The following INHBE variants were observed in gnomAD, a reference collection of about 807,000 sequenced individuals.
The protein encoded by INHBE is inhibin subunit beta E, also known as inhibin beta E chain.
INHBE carries 19 observed loss-of-function variants against 27.8 expected under a neutral mutation model. That is an observed-to-expected ratio of 0.68 (90% confidence interval 0.48 to 1.00). The LOEUF is 1.00. Among genes scored for constraint, INHBE ranks in the 50% least tolerant of loss-of-function variants. INHBE has a pLI of 0.00. For synonymous variants in INHBE, 196 were observed against 187.2 expected (o/e 1.05, Z -0.38); for missense variants, 398 against 433.9 (o/e 0.92, Z 0.73).
chr12:57,456,995 C>A lies in INHBE; in HGVS notation c.*147C>A. The A allele has an allele frequency of 1.2e-6, 1 of 815,850 alleles. No individual in the cohort carries two copies. The highest frequency in any genetic ancestry group is 1.9e-6 in the Non-Finnish European group (1 of 527,666). The allele number at this position is 815,850 out of a possible 1,614,324, so 50.5% of individuals were successfully genotyped here. ...TGACTCACTTGACCCCTATGGGACC[C>A]AAATGGGCACTTTCTTGTCTGAGAC... On this transcript the variant is annotated 3_prime_UTR_variant, in exon 2 of 2. Transcript: ENST00000266646.
Position 57,457,099 on chromosome 12 carries a change from G to A in INHBE, c.*251G>A, listed in dbSNP as rs1331939385. 1 of 310,474 alleles carries A rather than the reference G, an allele frequency of 3.2e-6. No individual in the cohort carries two copies. The highest frequency in any genetic ancestry group is 6.1e-6 in the Non-Finnish European group (1 of 162,948). 19.2% of individuals were successfully genotyped at this position (310,474 alleles called of 1,614,324 possible). On this transcript the variant is annotated 3_prime_UTR_variant, in exon 2 of 2. Transcript: ENST00000266646. ...CTAAAGGGGTCTACCCAGAAAGCAT[G>A]ATTTCCTGCCCTAAGTCCTGTGAGA...
chr12:57,456,934 T>C lies in INHBE; in HGVS notation c.*86T>C. 2.8e-6 allele frequency: 4 copies of C among 1,442,456 alleles called. No individual in the cohort carries two copies. The highest frequency in any genetic ancestry group is 2.7e-5 in the South Asian group (2 of 75,320). The allele number at this position is 1,442,456 out of a possible 1,614,324, so 89.4% of individuals were successfully genotyped here. On this transcript the variant is annotated 3_prime_UTR_variant, in exon 2 of 2. Transcript: ENST00000266646. ...TCTGTGACTGGAGGCATCAGATTCC[T>C]GATCCACACCCCAACCCAACAACCA...
At position 57,456,274 on chromosome 12, in the gene INHBE, A is replaced by C; in HGVS notation, c.479A>C (p.Glu160Ala). 6.2e-7 allele frequency: 1 copy of C among 1,614,134 alleles called. No homozygotes were observed. Among genetic ancestry groups the C allele is most frequent in the Non-Finnish European group, 8.5e-7 (1 of 1,180,028 alleles). ...RRQGSRTLLA[E>A]HHITNLGWHT... is the part of the protein sequence containing the mutation. The stretch of plus-strand genomic sequence containing the variant: ...CAAGGGTCCCGCACTCTCCTGGCTG[A>C]GCACCACATCACCAACCTGGGCTGG... Residue 160 changes from glutamate (E) to alanine (A), a missense_variant, in exon 2 of 2, where the codon GAG becomes GCG. Coordinates refer to ENST00000266646, the MANE Select transcript of INHBE (RefSeq NM_031479.5).
Position 57,456,925 on chromosome 12 carries a change from T to A in INHBE, c.*77T>A. The A allele has an allele frequency of 4.7e-6, 7 of 1,482,796 alleles. No individual in the cohort carries two copies. Among genetic ancestry groups the A allele is most frequent in the Non-Finnish European group, 6.4e-6 (7 of 1,100,964 alleles). 91.9% of individuals were successfully genotyped at this position (1,482,796 alleles called of 1,614,324 possible). ...CACAGGGCATCTGTGACTGGAGGCA[T>A]CAGATTCCTGATCCACACCCCAACC... On this transcript the variant is annotated 3_prime_UTR_variant, in exon 2 of 2. Coordinates refer to ENST00000266646, the MANE Select transcript of INHBE (RefSeq NM_031479.5).
intron 1 of INHBE, 109 bp downstream of exon 1, chr12:57,455,943 C>A: frequency 1.5e-6 from 2 of 1,376,826 alleles, no homozygotes; most frequent in East Asian, 2.3e-5. Flanking sequence ...GAAGGAGGAG[C>A]TGGGGCAGGG....
chr12:57,455,818 C>A lies in INHBE; in HGVS notation c.282C>A (p.Ser94Arg). Residue 94 changes from serine to arginine, a missense_variant, in exon 1 of 2, where the codon AGC (serine) becomes AGA (arginine). Physicochemically the swap from Ser to Arg is moderately radical, Grantham distance 110. Coordinates refer to ENST00000266646, the MANE Select transcript of INHBE (RefSeq NM_031479.5). ...CAGGGAATGGGGAGGAGGTCATCAG[C>A]TTTGCTACTGTCACAGGTGGGTGAG... ...VAPGNGEEVI[S>R]FATVTDSTSA... 6.2e-7 allele frequency: 1 copy of A among 1,613,876 alleles called. No homozygotes were observed. Among genetic ancestry groups the A allele is most frequent in the East Asian group, 2.2e-5 (1 of 44,874 alleles).
In INHBE at chr12:57,456,972, A is replaced by T; in HGVS notation, c.*124A>T. The T allele has an allele frequency of 1.8e-6, 2 of 1,108,256 alleles. No homozygotes were observed. The highest frequency in any genetic ancestry group is 2.4e-5 in the East Asian group (1 of 41,696). The allele number at this position is 1,108,256 out of a possible 1,614,324, so 68.7% of individuals were successfully genotyped here. A position where few individuals can be genotyped will look rare whatever the true frequency, so the allele number is the denominator to read the frequency against. ...AACCCAACAACCACCTGGCAATATG[A>T]CTCACTTGACCCCTATGGGACCCAA... is the stretch of plus-strand genomic sequence containing the variant. On this transcript the variant is annotated 3_prime_UTR_variant, in exon 2 of 2. Coordinates refer to ENST00000266646, the MANE Select transcript of INHBE (RefSeq NM_031479.5).
In INHBE at chr12:57,456,186, C is replaced by A. The variant is rs1489276507; in HGVS notation, c.391C>A (p.Leu131Ile). ...CCATGCCCGCCTGTGGCTGCACGTG[C>A]TCCCCACCCTTCCTGGCACTCTTTG... is the stretch of plus-strand genomic sequence containing the variant. ...LYHARLWLHV[L>I]PTLPGTLCLR... The change falls in exon 2 of 2, where the codon CTC becomes ATC. Residue 131 changes from leucine to isoleucine, a missense_variant. Transcript: ENST00000266646. 6.2e-7 allele frequency: 1 copy of A among 1,613,962 alleles called. No individual in the cohort carries two copies. The highest frequency in any genetic ancestry group is 1.3e-5 in the African/African-American group (1 of 74,874).
At position 57,456,110 on chromosome 12, in the gene INHBE, C is replaced by T; in HGVS notation, c.315C>T (p.Tyr105=). The change falls in exon 2 of 2, where the codon TAC becomes TAT. Residue 105 remains tyrosine (Y), a synonymous_variant. Coordinates refer to ENST00000266646, the MANE Select transcript of INHBE (RefSeq NM_031479.5). ...TTCGGGCAGACTCCACTTCAGCCTA[C>T]AGCTCCCTGCTCACTTTTCACCTGT... The part of the protein sequence containing the change: ...FATVTDSTSA[Y]SSLLTFHLST... The T allele has an allele frequency of 1.2e-6, 2 of 1,611,240 alleles. No individual in the cohort carries two copies. Among genetic ancestry groups the T allele is most frequent in the Non-Finnish European group, 1.7e-6 (2 of 1,178,038 alleles).
Position 57,456,381 on chromosome 12 carries a change from G to A in INHBE, c.586G>A (p.Glu196Lys). ...ACTGCAACTAGACTGCAGACCCCTAGAAGGCAACAGCACAGTTACTGGACA... is the reference window on the plus strand; with the variant it reads ...ACTGCAACTAGACTGCAGACCCCTAAAAGGCAACAGCACAGTTACTGGACA... ...LKLQLDCRPL[E>K]GNSTVTGQPR... Residue 196 changes from glutamate (E) to lysine (K), a missense_variant, in exon 2 of 2, where the codon GAA becomes AAA. Glu to Lys is a moderately conservative substitution (Grantham distance 56). Transcript: ENST00000266646. The A allele has an allele frequency of 6.2e-7, 1 of 1,614,152 alleles. No individual in the cohort carries two copies. The highest frequency in any genetic ancestry group is 8.5e-7 in the Non-Finnish European group (1 of 1,180,026).
chr12:57,456,385 G>A lies in INHBE; in HGVS notation c.590G>A (p.Gly197Asp), dbSNP rs758100795. ...CAACTAGACTGCAGACCCCTAGAAG[G>A]CAACAGCACAGTTACTGGACAACCG... ...KLQLDCRPLEGNSTVTGQPRR... is the reference protein window; with the variant it reads ...KLQLDCRPLEDNSTVTGQPRR... The change falls in exon 2 of 2, where the codon GGC (glycine) becomes GAC (aspartate). Residue 197 changes from glycine (G) to aspartate (D), a missense_variant. Transcript: ENST00000266646. 1.9e-6 allele frequency: 3 copies of A among 1,614,002 alleles called. No individual in the cohort carries two copies. In the Admixed American group the frequency reaches 5.0e-5, roughly 27 times the overall value.
At position 57,456,583 on chromosome 12, in the gene INHBE, A is replaced by C. The variant is rs1407679236; in HGVS notation, c.788A>C (p.Asp263Ala). Residue 263 changes from aspartate to alanine, a missense_variant, in exon 2 of 2, where the codon GAC becomes GCC. Transcript: ENST00000266646. ...YVDFQELGWR[D>A]WILQPEGYQL... Reference sequence around the variant, plus strand: ...GACTTCCAGGAACTGGGATGGCGGGACTGGATACTGCAGCCCGAGGGGTAC... The same window carrying C: ...GACTTCCAGGAACTGGGATGGCGGGCCTGGATACTGCAGCCCGAGGGGTAC... The C allele has an allele frequency of 1.9e-6, 3 of 1,613,988 alleles. No individual in the cohort carries two copies. The highest frequency in any genetic ancestry group is 1.7e-5 in the Admixed American group (1 of 59,994).
At position 57,456,737 on chromosome 12, in the gene INHBE, T is replaced by C. The variant is rs373832184; in HGVS notation, c.942T>C (p.Cys314=). 3.1e-6 allele frequency: 5 copies of C among 1,614,090 alleles called. No homozygotes were observed. The highest frequency in any genetic ancestry group is 1.7e-5 in the Admixed American group (1 of 60,010). Residue 314 remains cysteine (C), a synonymous_variant, in exon 2 of 2, where the codon TGT becomes TGC. Coordinates refer to ENST00000266646, the MANE Select transcript of INHBE (RefSeq NM_031479.5). Reference sequence around the variant, plus strand: ...ATCCTTGGCCTGCCAGTACCTCCTGTTGTGTCCCTACTGCCCGAAGGCCCC... The same window carrying C: ...ATCCTTGGCCTGCCAGTACCTCCTGCTGTGTCCCTACTGCCCGAAGGCCCC... ...ANNPWPASTS[C]CVPTARRPLS... is the part of the protein sequence containing the mutation.
In INHBE at chr12:57,455,369, C is replaced by A; in HGVS notation, c.-168C>A. ...ATCCATCAGATGATCTACTTTCAGC[C>A]TTCCTGAGTCCCAGACAATAGAAGA... is the stretch of plus-strand genomic sequence containing the variant. On this transcript the variant is annotated 5_prime_UTR_variant, in exon 1 of 2. Coordinates refer to ENST00000266646, the MANE Select transcript of INHBE (RefSeq NM_031479.5). 1 of 633,584 alleles carries A rather than the reference C, an allele frequency of 1.6e-6. No homozygotes were observed. The highest frequency in any genetic ancestry group is 2.7e-5 in the East Asian group (1 of 37,316). 39.2% of individuals were successfully genotyped at this position (633,584 alleles called of 1,614,324 possible).
At position 57,456,279 on chromosome 12, in the gene INHBE, C is replaced by T; in HGVS notation, c.484C>T (p.His162Tyr). The T allele has an allele frequency of 6.2e-7, 1 of 1,614,130 alleles. No homozygotes were observed. The highest frequency in any genetic ancestry group is 8.5e-7 in the Non-Finnish European group (1 of 1,180,018). The change falls in exon 2 of 2, where the codon CAC becomes TAC. Residue 162 changes from histidine to tyrosine, a missense_variant. His to Tyr is a moderately conservative substitution (Grantham distance 83). Transcript: ENST00000266646. ...GTCCCGCACTCTCCTGGCTGAGCAC[C>T]ACATCACCAACCTGGGCTGGCATAC... ...QGSRTLLAEHHITNLGWHTLT... is the reference protein window; with the variant it reads ...QGSRTLLAEHYITNLGWHTLT...
rs754239140 is a variant in INHBE at position 57,455,745 on chromosome 12, C to T, written c.209C>T (p.Ala70Val). The T allele has an allele frequency of 1.2e-6, 2 of 1,614,066 alleles. No individual in the cohort carries two copies. The highest frequency in any genetic ancestry group is 1.7e-5 in the Admixed American group (1 of 60,016). ...RPRITHPPPQ[A>V]ALTRALRRLQ... The stretch of plus-strand genomic sequence containing the variant: ...AGAATAACTCATCCTCCACCCCAGG[C>T]AGCGCTGACCAGAGCCCTCCGGAGA... Residue 70 changes from alanine (A) to valine (V), a missense_variant, in exon 1 of 2, where the codon GCA becomes GTA. By Grantham distance (64) the Ala-to-Val change is moderately conservative (BLOSUM62 0). Coordinates refer to ENST00000266646, the MANE Select transcript of INHBE (RefSeq NM_031479.5).
At position 57,457,025 on chromosome 12, in the gene INHBE, G is replaced by A. The variant is rs916919473; in HGVS notation, c.*177G>A. ...GGGCACTTTCTTGTCTGAGACTCTG[G>A]CTTATTCCAGGTTGGCTGATGTGTT... On this transcript the variant is annotated 3_prime_UTR_variant, in exon 2 of 2. Coordinates refer to ENST00000266646, the MANE Select transcript of INHBE (RefSeq NM_031479.5). 1 of 656,602 alleles carries A rather than the reference G, an allele frequency of 1.5e-6. No individual in the cohort carries two copies. The highest frequency in any genetic ancestry group is 2.6e-6 in the Non-Finnish European group (1 of 390,118). The allele number at this position is 656,602 out of a possible 1,614,324, so 40.7% of individuals were successfully genotyped here. A position where few individuals can be genotyped will look rare whatever the true frequency, so the allele number is the denominator to read the frequency against.
chr12:57,455,655 G>A lies in INHBE; in HGVS notation c.119G>A (p.Arg40Gln), dbSNP rs549600677. 2.1e-5 allele frequency: 34 copies of A among 1,614,080 alleles called. No homozygotes were observed. Among genetic ancestry groups the A allele is most frequent in the Admixed American group, 8.3e-5 (5 of 60,012 alleles). Reference sequence around the variant, plus strand: ...TCCAAACTGGCACCCCAAGCAGAACGAGCTCTGGTGCTGGAGCTAGCCAAG... The same window carrying A: ...TCCAAACTGGCACCCCAAGCAGAACAAGCTCTGGTGCTGGAGCTAGCCAAG... ...GGSKLAPQAE[R>Q]ALVLELAKQQ... is the part of the protein sequence containing the mutation. The change falls in exon 1 of 2, where the codon CGA becomes CAA. Residue 40 changes from arginine (R) to glutamine (Q), a missense_variant. Physicochemically the swap from Arg to Gln is conservative, Grantham distance 43 (BLOSUM62 1). Coordinates refer to ENST00000266646, the MANE Select transcript of INHBE (RefSeq NM_031479.5).
At position 57,456,630 on chromosome 12, in the gene INHBE, C is replaced by A. The variant is rs1870841720; in HGVS notation, c.835C>A (p.Gln279Lys). The stretch of plus-strand genomic sequence containing the variant: ...GTACCAGCTGAATTACTGCAGTGGG[C>A]AGTGCCCTCCCCACCTGGCTGGCAG... ...EGYQLNYCSG[Q>K]CPPHLAGSPG... Residue 279 changes from glutamine (Q) to lysine (K), a missense_variant, in exon 2 of 2, where the codon CAG (glutamine) becomes AAG (lysine). By Grantham distance (53) the Gln-to-Lys change is moderately conservative. Transcript: ENST00000266646. The A allele has an allele frequency of 6.2e-7, 1 of 1,614,040 alleles. No homozygotes were observed. Among genetic ancestry groups the A allele is most frequent in the Non-Finnish European group, 8.5e-7 (1 of 1,180,016 alleles).
Sources: gnomAD v4.1 joint callset for allele counts on GRCh38, gnomAD v4.1.1 for gene constraint, MANE v1.5 for transcripts, NCBI Gene and HGNC (gene_info 2026-07-23, HGNC 2026-07-21) for gene names.